AUH: variants seen among roughly 807,000 people sequenced by gnomAD.
The protein encoded by AUH is AU RNA binding methylglutaconyl-CoA hydratase, also known as methylglutaconyl-CoA hydratase, mitochondrial.
In AUH, 29 loss-of-function variants were observed where a neutral mutation model predicts 42.3. The ratio of observed to expected loss-of-function variants is 0.69; its 90% CI spans 0.51 to 0.93. The LOEUF (loss-of-function observed/expected upper bound fraction) is 0.93. AUH is among the 40% of genes least tolerant of loss of function. The probability of loss-of-function intolerance (pLI) is 0.00; values close to 1 mark genes in which losing one functional copy is unlikely to be tolerated. For synonymous variants in AUH, 174 were observed against 166.4 expected (o/e 1.05, Z -0.35); for missense variants, 452 against 438.1 (o/e 1.03, Z -0.28).
intron 3 of AUH, 119 bp from the exon 4 acceptor site, chr9:91,325,523 T>C (rs879055520): frequency 1.1e-5 from 9 of 798,030 alleles, no homozygotes; most frequent in Admixed American, 7.7e-5. Context: ...CATCTTTTAA[T>C]AGAATGACAT....
At chr9:91,220,012 A>T (rs1293326343) in intron 7 of AUH, among the ~76,000 whole-genome samples, 6 of 152,318 alleles carry the variant, frequency 3.9e-5, no homozygotes, top group African/African-American at 1.4e-4. Flanking sequence ...AAAACTTCAA[A>T]CTCCACTAGG....
chr9:91,243,057 A>C (rs1828606876), intron 6 of AUH, among the ~76,000 whole-genome samples: 1 of 152,250 alleles, frequency 6.6e-6, no homozygotes, highest in South Asian at 2.1e-4. Context: ...ATAATGTTTC[A>C]AAGAATCCTA....
intron 6 of AUH, among the ~76,000 whole-genome samples, chr9:91,224,627 A>T (rs911299725): frequency 5.9e-5 from 9 of 152,158 alleles, no homozygotes; most frequent in Non-Finnish European, 8.8e-5. Context: ...TAATTTTTGC[A>T]TAGGGTATAA....
At chr9:91,229,529 T>C (rs1827738185) in intron 6 of AUH, among the ~76,000 whole-genome samples, 1 of 150,644 alleles carries the variant, frequency 6.6e-6, no homozygotes, top group Non-Finnish European at 1.5e-5. Flanking sequence ...CTGTGTCTTT[T>C]AATTGGAGCA....
chr9:91,290,354 G>A (rs546028633), intron 6 of AUH, among the ~76,000 whole-genome samples: 2 of 152,096 alleles, frequency 1.3e-5, no homozygotes, highest in African/African-American at 2.4e-5. Context: ...GTTTGAGGCT[G>A]CAGTGAGCTA....
intron 3 of AUH, among the ~76,000 whole-genome samples, chr9:91,328,884 C>T (rs1345455316): frequency 1.3e-5 from 2 of 152,104 alleles, no homozygotes; most frequent in African/African-American, 4.8e-5. Context: ...TCTTAGAACA[C>T]CTCCATTATC....
At chr9:91,248,885 C>T (rs1828948363) in intron 6 of AUH, among the ~76,000 whole-genome samples, 1 of 152,176 alleles carries the variant, frequency 6.6e-6, no homozygotes, top group South Asian at 2.1e-4. Context: ...TTATTATTAG[C>T]AGGCTAGCAC....
intron 6 of AUH, among the ~76,000 whole-genome samples, chr9:91,283,342 C>T (rs1826130649): frequency 6.6e-6 from 1 of 152,108 alleles, no homozygotes; most frequent in African/African-American, 2.4e-5. Flanking sequence ...ATGACAAACC[C>T]ACAGCCAATA....
chr9:91,342,994 C>A (rs552913815), intron 3 of AUH: 2 of 152,176 alleles, frequency 1.3e-5, no homozygotes, highest in African/African-American at 4.8e-5. Flanking sequence ...TTCTTAGTAA[C>A]ATTTTCTTTT....
chr9:91,271,910 G>A (rs1240168875), intron 6 of AUH, among the ~76,000 whole-genome samples: 1 of 152,156 alleles, frequency 6.6e-6, no homozygotes, highest in African/African-American at 2.4e-5. Context: ...TGGAACTCTT[G>A]ACCTCAGGTG....
At chr9:91,311,132 A>G (rs1016168772) in intron 4 of AUH, among the ~76,000 whole-genome samples, 4 of 152,194 alleles carry the variant, frequency 2.6e-5, no homozygotes, top group African/African-American at 9.6e-5. Flanking sequence ...TTGTATTTCA[A>G]AGAGAGAGCT....
chr9:91,313,348 C>T (rs900166731), intron 4 of AUH, among the ~76,000 whole-genome samples: 17 of 152,202 alleles, frequency 1.1e-4, no homozygotes, highest in African/African-American at 3.9e-4. Flanking sequence ...TATCCATGAA[C>T]ATCCACTGGC....
chr9:91,217,289 A>T lies in AUH; in HGVS notation c.882T>A (p.Asn294Lys). The change falls in exon 8 of 10, where the codon AAT (asparagine) becomes AAA (lysine). Residue 294 changes from asparagine (N) to lysine (K), a missense_variant. Physicochemically the swap from Asn to Lys is moderately conservative, Grantham distance 94. Transcript: ENST00000375731. The stretch of plus-strand genomic sequence containing the variant: ...TTAAGGAACCTACCTCCATCCCTTG[A>T]TTAATTGCTAATTTTGCCACTCTCA... ...VAMRVAKLAI[N>K]QGMEVDLVTG... is the part of the protein sequence containing the mutation. 1 of 1,613,886 alleles carries T rather than the reference A, an allele frequency of 6.2e-7. No individual in the cohort carries two copies. Among genetic ancestry groups the T allele is most frequent in the Non-Finnish European group, 8.5e-7 (1 of 1,179,822 alleles).
chr9:91,318,734 C>T (rs923983540), intron 4 of AUH, among the ~76,000 whole-genome samples: 2 of 152,186 alleles, frequency 1.3e-5, no homozygotes, highest in African/African-American at 4.8e-5. Flanking sequence ...TCAGGATAAG[C>T]CATAGGAGCA....
rs561862449 is a variant in AUH, at chr9:91,359,744, T to C, written c.262+1884A>G. On this transcript the variant is annotated intron_variant, in intron 1 of 9. Coordinates refer to ENST00000375731, the MANE Select transcript of AUH (RefSeq NM_001698.3). Reference sequence around the variant, plus strand: ...GAGGCTCCTGTGACTAGGAGAGTTATCCTATTCCTTAGAGGCTGCTGAGAG... The same window carrying C: ...GAGGCTCCTGTGACTAGGAGAGTTACCCTATTCCTTAGAGGCTGCTGAGAG... Among the ~76,000 whole-genome samples the C allele has an allele frequency of 5.9e-5, 9 of 152,254 alleles. No homozygotes were observed. The South Asian group carries it at 1.7e-3, about 28-fold the overall frequency.
intron 3 of AUH, among the ~76,000 whole-genome samples, chr9:91,352,973 T>G (rs1832104630): frequency 6.6e-6 from 1 of 152,188 alleles, no homozygotes; most frequent in South Asian, 2.1e-4. Flanking sequence ...AATACAGTAT[T>G]AATATATACA....
At chr9:91,259,260 TG>T (rs1445994323) in intron 6 of AUH, among the ~76,000 whole-genome samples, 1 of 152,220 alleles carries the variant, frequency 6.6e-6, no homozygotes, top group Non-Finnish European at 1.5e-5. Context: ...TCTTGCAAGT[TG>T]GTGAATTTGC....
At chr9:91,275,947 A>G (rs1825505294) in intron 6 of AUH, among the ~76,000 whole-genome samples, 2 of 152,210 alleles carry the variant, frequency 1.3e-5, no homozygotes, top group African/African-American at 4.8e-5. Context: ...AGATAGAGCA[A>G]TCTATCCTTT....
chr9:91,287,032 TATAA>T (rs1451155597), intron 6 of AUH, among the ~76,000 whole-genome samples: 1 of 152,044 alleles, frequency 6.6e-6, no homozygotes, highest in Non-Finnish European at 1.5e-5. Context: ...TGTAGATATA[TATAA>T]AAACACTCTA....
Sources: gnomAD v4.1 joint callset for allele counts (sites outside exome capture counted in the v4.1 genomes callset) on GRCh38, gnomAD v4.1.1 for gene constraint, MANE v1.5 for transcripts, NCBI Gene and HGNC (gene_info 2026-07-23, HGNC 2026-07-21) for gene names.